The following PARD3B variants were observed in gnomAD, a reference collection of about 807,000 sequenced individuals.
PARD3B encodes the protein par-3 family cell polarity regulator beta, also known as partitioning defective 3 homolog B.
In PARD3B, 103 loss-of-function variants were observed where a neutral mutation model predicts 130.2. The ratio of observed to expected loss-of-function variants is 0.79; its 90% CI spans 0.67 to 0.93. The LOEUF (loss-of-function observed/expected upper bound fraction) is 0.93. Ranked by LOEUF, PARD3B falls within the 40% of genes least tolerant of loss-of-function variation. The pLI, the probability that PARD3B is intolerant of heterozygous loss-of-function variation, is 0.00. For missense variants in PARD3B, 1,609 were observed against 1,499.2 expected, an observed-to-expected ratio of 1.07 and a Z score of -1.21; for synonymous variants, 583 against 553.2, an observed-to-expected ratio of 1.05 and a Z score of -0.76.
intron 22 of PARD3B, among the ~76,000 whole-genome samples, chr2:205,607,286 T>G (rs921683517): frequency 2.6e-5 from 4 of 152,022 alleles, no homozygotes; most frequent in African/African-American, 9.7e-5. Flanking sequence ...ATCCTGTTTT[T>G]TAGAAATGTG....
Position 205,352,691 on chromosome 2 carries a change from C to G in PARD3B, c.2631-48322C>G, listed in dbSNP as rs1180361765. Among the ~76,000 whole-genome samples the G allele has an allele frequency of 6.6e-6, 1 of 152,070 alleles. No individual in the cohort carries two copies. Among genetic ancestry groups the G allele is most frequent in the African/African-American group, 2.4e-5 (1 of 41,414 alleles). On this transcript the variant is annotated intron_variant, in intron 18 of 22. Transcript: ENST00000406610. The surrounding 1 kb of genome is among the most constrained non-coding windows in gnomAD (Gnocchi z 5.2). ...AACAGGTAGTATCAGGCGTCCATAG[C>G]CTTGCGTTTTACTCACCCCTCATGC...
At chr2:205,086,854 T>A (rs1701772968) in intron 4 of PARD3B, among the ~76,000 whole-genome samples, 3 of 152,202 alleles carry the variant, frequency 2.0e-5, no homozygotes, top group Admixed American at 2.0e-4. Context: ...TAAATCAAAT[T>A]GTGCAATTCA....
At position 205,190,940 on chromosome 2, in the gene PARD3B, C is replaced by T. The variant is rs113147685; in HGVS notation, c.2025-2265C>T. On this transcript the variant is annotated intron_variant, in intron 14 of 22. Transcript: ENST00000406610. ...TATTGCTATTAGGCCAGGCTAGTGT[C>T]AATAACACTAAGTGGGTCCAGGATT... Among the ~76,000 whole-genome samples the T allele has an allele frequency of 6.6e-3, 1,005 of 152,050 alleles. 9 individuals carry two copies. The highest frequency in any genetic ancestry group is 0.023 in the African/African-American group (934 of 41,480).
chr2:204,791,998 T>A (rs1049816638), intron 2 of PARD3B, among the ~76,000 whole-genome samples: 8 of 152,228 alleles, frequency 5.3e-5, no homozygotes, highest in African/African-American at 1.9e-4. Context: ...CTAAAATTTA[T>A]TTTTATCACA....
Position 205,301,471 on chromosome 2 carries a change from G to T in PARD3B, c.2400G>T (p.Leu800=). 1 of 1,611,396 alleles carries T rather than the reference G, an allele frequency of 6.2e-7. No homozygotes were observed. The highest frequency in any genetic ancestry group is 8.5e-7 in the Non-Finnish European group (1 of 1,179,218). ...TATTTTTTCTCTGTACAGACGGTCT[G>T]TCTGATAAGAGCTCTCACTCTGGCC... The part of the protein sequence containing the change: ...DGPEEIEADG[L]SDKSSHSGQG... Residue 800 remains leucine, a synonymous_variant, in exon 18 of 23, where the codon CTG becomes CTT. Coordinates refer to ENST00000406610, the MANE Select transcript of PARD3B (RefSeq NM_001302769.2). This position sits in a 1 kb window ranked among gnomAD's most constrained non-coding sequence, Gnocchi z 5.2.
chr2:204,946,115 G>T (rs923534699), intron 2 of PARD3B, among the ~76,000 whole-genome samples: 1 of 152,086 alleles, frequency 6.6e-6, no homozygotes, highest in African/African-American at 2.4e-5. Flanking sequence ...TTGCTCCTTC[G>T]ACTATTTCAT....
rs577903730 is a variant in PARD3B at position 205,178,718 on chromosome 2, T to A, written c.1924+2141T>A. ...TTAATTCCTAGTTACACCAGTGACA[T>A]CTAAATGAACACTAAGTACCTTTTG... On this transcript the variant is annotated intron_variant, in intron 13 of 22. Transcript: ENST00000406610. Among the ~76,000 whole-genome samples the A allele has an allele frequency of 3.9e-5, 6 of 152,304 alleles. No individual in the cohort carries two copies. The East Asian group carries it at 1.2e-3, about 29-fold the overall frequency.
chr2:205,260,819 A>G (rs1208894416), intron 16 of PARD3B, among the ~76,000 whole-genome samples: 1 of 152,124 alleles, frequency 6.6e-6, no homozygotes, highest in Non-Finnish European at 1.5e-5. Context: ...GCTTAAGGAA[A>G]TGTATCAGGG....
chr2:205,361,916 T>C (rs1368107442), intron 18 of PARD3B, among the ~76,000 whole-genome samples: 1 of 152,158 alleles, frequency 6.6e-6, no homozygotes, highest in East Asian at 1.9e-4. Context: ...GCCAATCTTC[T>C]TATATCTTAA....
At chr2:204,935,885 G>C (rs1206464933) in intron 2 of PARD3B, among the ~76,000 whole-genome samples, 3 of 152,136 alleles carry the variant, frequency 2.0e-5, no homozygotes, top group Non-Finnish European at 4.4e-5. Context: ...GCTGATGGTA[G>C]GCTATTGTGA....
At chr2:205,098,429 C>T (rs1431696364) in intron 4 of PARD3B, among the ~76,000 whole-genome samples, 14 of 152,116 alleles carry the variant, frequency 9.2e-5, no homozygotes, top group Non-Finnish European at 1.2e-4. Flanking sequence ...ATAGACAGGA[C>T]CGCTATTTCA....
At chr2:204,953,708 C>T (rs1344634944) in intron 2 of PARD3B, among the ~76,000 whole-genome samples, 2 of 152,140 alleles carry the variant, frequency 1.3e-5, no homozygotes, top group Non-Finnish European at 2.9e-5. Flanking sequence ...TTTGGAAACC[C>T]AGTATTGCCA....
chr2:204,585,147 C>T (rs536779130), intron 1 of PARD3B, among the ~76,000 whole-genome samples: 1 of 152,294 alleles, frequency 6.6e-6, no homozygotes, highest in Non-Finnish European at 1.5e-5. Flanking sequence ...CCTCTTCCCT[C>T]TTGTTTTCTT....
In PARD3B at chr2:205,585,641, G is replaced by C. The variant is rs571591257; in HGVS notation, c.3261-29815G>C. ...AGCTGAAACAACAAAGCGGGACATG[G>C]AAACATGTTCACTTACACAGATTTC... On this transcript the variant is annotated intron_variant, in intron 22 of 22. Coordinates refer to ENST00000406610, the MANE Select transcript of PARD3B (RefSeq NM_001302769.2). The surrounding 1 kb of genome is among the most constrained non-coding windows in gnomAD (Gnocchi z 5.4). Among the ~76,000 whole-genome samples, 1 of 152,302 alleles carries C rather than the reference G, an allele frequency of 6.6e-6. No homozygotes were observed. The highest frequency in any genetic ancestry group is 2.4e-5 in the African/African-American group (1 of 41,556).
chr2:205,457,721 G>C (rs960951713), intron 20 of PARD3B, among the ~76,000 whole-genome samples: 2 of 151,824 alleles, frequency 1.3e-5, no homozygotes, highest in Admixed American at 1.3e-4. Context: ...ATATATTAAA[G>C]ATATCATTCC....
chr2:205,486,221 T>C (rs1402357547), intron 20 of PARD3B, among the ~76,000 whole-genome samples: 1 of 152,200 alleles, frequency 6.6e-6, no homozygotes, highest in Non-Finnish European at 1.5e-5. Context: ...CAAGGATTTA[T>C]AAGAATCTGA....
chr2:205,311,881 T>C (rs1016599291), intron 18 of PARD3B, among the ~76,000 whole-genome samples: 1 of 152,244 alleles, frequency 6.6e-6, no homozygotes, highest in Non-Finnish European at 1.5e-5. Context: ...TTTCTTTCTT[T>C]CTTTATGTAT....
chr2:204,668,484 A>C (rs902408326), intron 1 of PARD3B, among the ~76,000 whole-genome samples: 18 of 152,170 alleles, frequency 1.2e-4, no homozygotes, highest in Admixed American at 4.6e-4. Flanking sequence ...GTTGAATTTG[A>C]CTCAACGTTT....
rs71410805 is a variant in PARD3B, at chr2:205,183,730, T to TTGTGTGTGTGTG, written c.1925-2001_1925-1990dup. 3.8e-4 allele frequency among the ~76,000 whole-genome samples: 52 copies of TTGTGTGTGTGTG among 138,250 alleles called. No individual in the cohort carries two copies. The highest frequency in any genetic ancestry group is 7.6e-4 in the South Asian group (3 of 3,924). The allele number at this position is 138,250 out of a possible 152,430, so 90.7% of individuals were successfully genotyped here. A position where few individuals can be genotyped will look rare whatever the true frequency, so the allele number is the denominator to read the frequency against. On this transcript the variant is annotated intron_variant, in intron 13 of 22. Transcript: ENST00000406610. This position sits in a 1 kb window ranked among gnomAD's most constrained non-coding sequence, Gnocchi z 5.2. Reference sequence around the variant, plus strand: ...GGTTCTGCAGAGAAACAGAACCAAGTTGTGTGTGTGTGTGTGTGTGTGTGT... The same window carrying TTGTGTGTGTGTG: ...GGTTCTGCAGAGAAACAGAACCAAGTTGTGTGTGTGTGTGTGTGTGTGTGTGTGTGTGTGTGT...
Sources: allele counts gnomAD v4.1 joint callset (sites outside exome capture counted in the v4.1 genomes callset), GRCh38; gene constraint gnomAD v4.1.1; non-coding constraint Gnocchi (gnomAD v3.1); transcripts MANE v1.5; gene names NCBI Gene and HGNC (gene_info 2026-07-23, HGNC 2026-07-21).